FLOT2: variants seen among roughly 807,000 people sequenced by gnomAD.
FLOT2 encodes flotillin 2.
A neutral mutation model predicts 54.9 loss-of-function variants in FLOT2; 35 were observed. The observed-to-expected ratio is 0.64, with a 90% CI of 0.49 to 0.84. The LOEUF (loss-of-function observed/expected upper bound fraction) is 0.84. FLOT2 is among the 40% of genes least tolerant of loss of function. The pLI is 0.00. For missense variants in FLOT2, 464 were observed against 572.1 expected, an observed-to-expected ratio of 0.81 and a Z score of 1.93; for synonymous variants, 207 against 228.9, an observed-to-expected ratio of 0.90 and a Z score of 0.86.
At position 28,880,607 on chromosome 17, in the gene FLOT2, G is replaced by A. The variant is rs1212868611; in HGVS notation, c.1249-8C>T. Reference sequence around the variant, plus strand: ...CTTCTTGATCAGGGGTATCTGCAAGGATGGGAGATGCCATGAGACCTTGGC... The same window carrying A: ...CTTCTTGATCAGGGGTATCTGCAAGAATGGGAGATGCCATGAGACCTTGGC... On this transcript the variant is annotated splice_polypyrimidine_tract_variant and splice_region_variant and intron_variant, in intron 10 of 10. Transcript: ENST00000394908. 6.2e-7 allele frequency: 1 copy of A among 1,614,090 alleles called. No individual in the cohort carries two copies. Among genetic ancestry groups the A allele is most frequent in the South Asian group, 1.1e-5 (1 of 91,054 alleles).
Position 28,882,543 on chromosome 17 carries a change from C to CAGGAGAT in FLOT2, c.465+23_465+29dup. 1 of 1,580,222 alleles carries CAGGAGAT rather than the reference C, an allele frequency of 6.3e-7. No homozygotes were observed. Among genetic ancestry groups the CAGGAGAT allele is most frequent in the Non-Finnish European group, 8.7e-7 (1 of 1,149,164 alleles). Reference sequence around the variant, plus strand: ...AAGCCACCATCTCCCAGATGGACGCCAGGAGATACAGCTTCCCATCACGTC... The same window carrying CAGGAGAT: ...AAGCCACCATCTCCCAGATGGACGCCAGGAGATAGGAGATACAGCTTCCCATCACGTC... On this transcript the variant is annotated intron_variant, in intron 5 of 10. Coordinates refer to ENST00000394908, the MANE Select transcript of FLOT2 (RefSeq NM_004475.3). This position sits in a 1 kb window ranked among gnomAD's most constrained non-coding sequence, Gnocchi z 5.6.
At chr17:28,881,150 A>C (rs778744270) in intron 9 of FLOT2, 42 bp downstream of exon 9, 1 of 1,570,146 alleles carries the variant, frequency 6.4e-7, no homozygotes, top group South Asian at 1.1e-5. Context: ...TTGTCAAGCA[A>C]GGACACTTGA....
At chr17:28,886,462 G>A (rs1940424202) in intron 2 of FLOT2, among the ~76,000 whole-genome samples, 1 of 152,216 alleles carries the variant, frequency 6.6e-6, no homozygotes, top group South Asian at 2.1e-4. Context: ...GGCAAGGTGA[G>A]GCCAGAAAAG....
chr17:28,886,453 G>A (rs2039548912), intron 2 of FLOT2, among the ~76,000 whole-genome samples: 1 of 152,200 alleles, frequency 6.6e-6, no homozygotes, highest in Non-Finnish European at 1.5e-5. Flanking sequence ...TATCACTAAG[G>A]CAAGGTGAGG....
At chr17:28,880,970 TG>T in intron 9 of FLOT2, 108 bp from the exon 10 acceptor site, 2 of 1,401,206 alleles carry the variant, frequency 1.4e-6, no homozygotes, top group Non-Finnish European at 2.0e-6. Context: ...CAAAGCAGCC[TG>T]GGTGGCCCTT....
At chr17:28,885,556 G>T in intron 2 of FLOT2, 1 of 716,922 alleles carries the variant, frequency 1.4e-6, no homozygotes. Flanking sequence ...CCCAAGAATA[G>T]ATTTCACCAG....
chr17:28,895,751 C>A (rs1316444958), intron 1 of FLOT2, among the ~76,000 whole-genome samples: 1 of 151,904 alleles, frequency 6.6e-6, no homozygotes, highest in African/African-American at 2.4e-5. Flanking sequence ...GAAAAGGATT[C>A]CCCTTTAAAA....
Position 28,882,983 on chromosome 17 carries a change from ATATT to A in FLOT2, c.346+121_346+124del. 1 of 1,040,764 alleles carries A rather than the reference ATATT, an allele frequency of 9.6e-7. No homozygotes were observed. The highest frequency in any genetic ancestry group is 1.4e-6 in the Non-Finnish European group (1 of 718,308). 64.5% of individuals were successfully genotyped at this position (1,040,764 alleles called of 1,614,324 possible). On this transcript the variant is annotated intron_variant, in intron 4 of 10. Transcript: ENST00000394908. This position sits in a 1 kb window ranked among gnomAD's most constrained non-coding sequence, Gnocchi z 5.6. ...AAGTCACCTGAAGTTTTGAAATTAA[ATATT>A]TGAGGAAAAGTGTTTTAGCTTGAAA...
In FLOT2 at chr17:28,881,933, C is replaced by T. The variant is rs765582416; in HGVS notation, c.795G>A (p.Lys265=). 6.2e-7 allele frequency: 1 copy of T among 1,614,074 alleles called. No homozygotes were observed. Among genetic ancestry groups the T allele is most frequent in the African/African-American group, 1.3e-5 (1 of 75,066 alleles). ...CCTGTGCCTCCACGGCAATCTGTTT[C>T]TTGCGCTGCACAACCTCAATCTCAA... is the stretch of plus-strand genomic sequence containing the variant. ...EEIEIEVVQR[K]KQIAVEAQEI... The change falls in exon 8 of 11, where the codon AAG becomes AAA. Residue 265 remains lysine, a synonymous_variant. Coordinates refer to ENST00000394908, the MANE Select transcript of FLOT2 (RefSeq NM_004475.3).
chr17:28,884,370 G>T lies in FLOT2; in HGVS notation c.132-55C>A, dbSNP rs991421596. 1.6e-6 allele frequency: 2 copies of T among 1,218,100 alleles called. No homozygotes were observed. The highest frequency in any genetic ancestry group is 2.3e-5 in the East Asian group (1 of 42,624). The allele number at this position is 1,218,100 out of a possible 1,614,324, so 75.5% of individuals were successfully genotyped here. On this transcript the variant is annotated intron_variant, in intron 2 of 10. Transcript: ENST00000394908. This position sits in a 1 kb window ranked among gnomAD's most constrained non-coding sequence, Gnocchi z 5.1. The stretch of plus-strand genomic sequence containing the variant: ...GTCTGGGGGCGCAGGGCCTGGTGGT[G>T]TTGGGAAAGAGGCCAGTACCTCACT...
At position 28,880,805 on chromosome 17, in the gene FLOT2, C is replaced by T; in HGVS notation, c.1156G>A (p.Gly386Arg). The change falls in exon 10 of 11, where the codon GGA (glycine) becomes AGA (arginine). Residue 386 changes from glycine (G) to arginine (R), a missense_variant. By Grantham distance (125) the Gly-to-Arg change is moderately radical. Transcript: ENST00000394908. Reference sequence around the variant, plus strand: ...TCTGATGTGACCTTACTGTTGTCTCCACTGAGGACCACAATCTCATCGACC... The same window carrying T: ...TCTGATGTGACCTTACTGTTGTCTCTACTGAGGACCACAATCTCATCGACC... ...TKVDEIVVLS[G>R]DNSKVTSEVN... The T allele has an allele frequency of 6.2e-7, 1 of 1,614,174 alleles. No homozygotes were observed. The highest frequency in any genetic ancestry group is 1.3e-5 in the African/African-American group (1 of 75,040).
At chr17:28,886,879 G>A (rs1397952200) in intron 2 of FLOT2, among the ~76,000 whole-genome samples, 1 of 152,194 alleles carries the variant, frequency 6.6e-6, no homozygotes, top group South Asian at 2.1e-4. Flanking sequence ...CTGGGGCACT[G>A]GCCATGCAGA....
chr17:28,889,765 G>A (rs1470566524), intron 1 of FLOT2, among the ~76,000 whole-genome samples: 7 of 151,704 alleles, frequency 4.6e-5, no homozygotes, highest in African/African-American at 7.3e-5. Flanking sequence ...TCAGCCTCCC[G>A]AGTAGCTGGG....
intron 2 of FLOT2, 81 bp downstream of exon 2, chr17:28,888,864 C>CA (rs2039595660): frequency 9.7e-7 from 1 of 1,035,176 alleles, no homozygotes; most frequent in African/African-American, 1.6e-5. Flanking sequence ...AGCTGACCCT[C>CA]AGAGTGAAGC....
intron 1 of FLOT2, among the ~76,000 whole-genome samples, chr17:28,891,784 A>T (rs1408706538): frequency 1.3e-5 from 2 of 152,166 alleles, no homozygotes; most frequent in African/African-American, 4.8e-5. Context: ...AACAGACACA[A>T]TGGAGAGAAT....
At position 28,882,192 on chromosome 17, in the gene FLOT2, C is replaced by G. The variant is rs781419681; in HGVS notation, c.625G>C (p.Asp209His). 4 of 1,614,208 alleles carry G rather than the reference C, an allele frequency of 2.5e-6. No homozygotes were observed. The highest frequency in any genetic ancestry group is 3.4e-6 in the Non-Finnish European group (4 of 1,180,048). Residue 209 changes from aspartate (D) to histidine (H), a missense_variant, in exon 7 of 11, where the codon GAC becomes CAC. Physicochemically the swap from Asp to His is moderately conservative, Grantham distance 81. Coordinates refer to ENST00000394908, the MANE Select transcript of FLOT2 (RefSeq NM_004475.3). The surrounding 1 kb of genome is among the most constrained non-coding windows in gnomAD (Gnocchi z 5.6). The stretch of plus-strand genomic sequence containing the variant: ...CGCTTAGAGTCAGCAATCTTGGTGT[C>G]TGCCATGAACTTCACATCCAGCATC... Reference protein sequence around the residue: ...KEMLDVKFMADTKIADSKRAF... With the variant: ...KEMLDVKFMAHTKIADSKRAF...
rs892488771 is a variant in FLOT2 at position 28,882,157 on chromosome 17, C to T, written c.660G>A (p.Glu220=). ...CCTCACTGAAGGCTGACTTTTGCAG[C>T]TCGAAGGCTCGCTTAGAGTCAGCAA... ...TKIADSKRAF[E]LQKSAFSEEV... Residue 220 remains glutamate, a synonymous_variant, in exon 7 of 11, where the codon GAG becomes GAA. Coordinates refer to ENST00000394908, the MANE Select transcript of FLOT2 (RefSeq NM_004475.3). The surrounding 1 kb of genome is among the most constrained non-coding windows in gnomAD (Gnocchi z 5.6). The T allele has an allele frequency of 1.2e-6, 2 of 1,614,198 alleles. No homozygotes were observed. Among genetic ancestry groups the T allele is most frequent in the African/African-American group, 1.3e-5 (1 of 75,046 alleles).
At chr17:28,886,047 A>G (rs1422692301) in intron 2 of FLOT2, 10 of 478,012 alleles carry the variant, frequency 2.1e-5, no homozygotes, top group Non-Finnish European at 3.4e-5. Flanking sequence ...CCGATGCCTG[A>G]CGCCTGGGGG....
At chr17:28,881,430 C>T in intron 8 of FLOT2, 55 bp from the exon 9 acceptor site, 1 of 1,566,922 alleles carries the variant, frequency 6.4e-7, no homozygotes, top group Non-Finnish European at 8.7e-7. Context: ...TCCTCTCAAG[C>T]CTTGCCTGGG....
Sources: allele counts gnomAD v4.1 joint callset (sites outside exome capture counted in the v4.1 genomes callset), GRCh38; gene constraint gnomAD v4.1.1; non-coding constraint Gnocchi (gnomAD v3.1); transcripts MANE v1.5; gene names NCBI Gene and HGNC (gene_info 2026-07-23, HGNC 2026-07-21).